The following LRMDA variants were observed in gnomAD, a reference collection of about 807,000 sequenced individuals.
LRMDA encodes the protein leucine-rich melanocyte differentiation-associated protein.
In LRMDA, 18 loss-of-function variants were observed where a neutral mutation model predicts 29.8. The observed-to-expected ratio is 0.60, with a 90% CI of 0.42 to 0.90. The LOEUF (loss-of-function observed/expected upper bound fraction) is 0.90, where lower values mean the gene tolerates loss of function less well. Ranked by LOEUF, LRMDA falls within the 40% of genes least tolerant of loss-of-function variation. LRMDA has a pLI of 0.00. For missense variants in LRMDA, 273 were observed against 273.9 expected (o/e 1.00, Z 0.02); for synonymous variants, 125 against 109.4 (o/e 1.14, Z -0.89).
chr10:76,280,271 A>G (rs1420542565), intron 5 of LRMDA, among the ~76,000 whole-genome samples: 1 of 152,166 alleles, frequency 6.6e-6, no homozygotes, highest in African/African-American at 2.4e-5. Flanking sequence ...GATGGAAAGA[A>G]TGAAGGGCAG....
intron 5 of LRMDA, among the ~76,000 whole-genome samples, chr10:76,165,736 A>G (rs186301118): frequency 1.4e-4 from 21 of 152,280 alleles, no homozygotes; most frequent in Admixed American, 2.6e-4. Context: ...ACCACCAGAT[A>G]TCGTGAGAAC....
At chr10:76,113,652 T>C (rs1564656244) in intron 5 of LRMDA, among the ~76,000 whole-genome samples, 1 of 152,184 alleles carries the variant, frequency 6.6e-6, no homozygotes, top group Non-Finnish European at 1.5e-5. Flanking sequence ...GAAATTGAGA[T>C]GTGTCTCCAG....
chr10:76,134,997 C>T (rs1038511716), intron 5 of LRMDA, among the ~76,000 whole-genome samples: 9 of 152,140 alleles, frequency 5.9e-5, no homozygotes, highest in Admixed American at 5.9e-4. Flanking sequence ...AATTTAAAAA[C>T]AGTATTTTGA....
intron 5 of LRMDA, among the ~76,000 whole-genome samples, chr10:76,279,091 G>A (rs1840170718): frequency 1.3e-5 from 2 of 152,116 alleles, no homozygotes; most frequent in South Asian, 4.1e-4. Flanking sequence ...TATGATGGAG[G>A]ACATGAGCAA....
At chr10:76,169,117 C>A (rs149662258) in intron 5 of LRMDA, among the ~76,000 whole-genome samples, 1,542 of 152,240 alleles carry the variant, frequency 0.01, 14 homozygotes, top group Middle Eastern at 0.017. Flanking sequence ...CAGCCTGCCC[C>A]ATAGTAATTC....
intron 2 of LRMDA, among the ~76,000 whole-genome samples, chr10:75,882,465 C>T (rs1223170158): frequency 6.6e-6 from 1 of 152,062 alleles, no homozygotes; most frequent in East Asian, 1.9e-4. Context: ...CTATAGAGCA[C>T]CTAAAATTTT....
intron 2 of LRMDA, among the ~76,000 whole-genome samples, chr10:75,619,645 G>A (rs892612454): frequency 1.2e-4 from 18 of 152,162 alleles, no homozygotes; most frequent in Non-Finnish European, 1.9e-4. Flanking sequence ...CTTCAGCATC[G>A]CAGTCTCTCT....
chr10:76,276,068 T>C (rs1840130577), intron 5 of LRMDA, among the ~76,000 whole-genome samples: 1 of 149,232 alleles, frequency 6.7e-6, no homozygotes, highest in African/African-American at 2.5e-5. Context: ...TCTTTCTCTC[T>C]TTCTTTCTCT....
At chr10:75,917,672 G>A (rs1444474453) in intron 2 of LRMDA, among the ~76,000 whole-genome samples, 1 of 152,196 alleles carries the variant, frequency 6.6e-6, no homozygotes, top group Non-Finnish European at 1.5e-5. Flanking sequence ...ACTGGCCCCA[G>A]AATGGTGCAA....
intron 5 of LRMDA, among the ~76,000 whole-genome samples, chr10:76,300,413 G>A (rs1285227921): frequency 6.6e-6 from 1 of 152,176 alleles, no homozygotes; most frequent in African/African-American, 2.4e-5. Context: ...ATTGATCATG[G>A]TAGGAAAGCA....
At position 75,873,725 on chromosome 10, in the gene LRMDA, C is replaced by T. The variant is rs180856881; in HGVS notation, c.132-162283C>T. Among the ~76,000 whole-genome samples the T allele has an allele frequency of 4.7e-5, 7 of 149,352 alleles. No individual in the cohort carries two copies. In the East Asian group the frequency reaches 1.2e-3, roughly 26 times the overall value. On this transcript the variant is annotated intron_variant, in intron 2 of 6. Transcript: ENST00000611255. ...TATTATTTAGTGTGTTGATCATACT[C>T]GTATATTTCCAAATGGCTTTATGAT...
intron 2 of LRMDA, among the ~76,000 whole-genome samples, chr10:75,789,263 C>T (rs1214423282): frequency 6.6e-6 from 1 of 152,188 alleles, no homozygotes; most frequent in Non-Finnish European, 1.5e-5. Flanking sequence ...GAGATTGTGA[C>T]TACATAGCAC....
intron 6 of LRMDA, among the ~76,000 whole-genome samples, chr10:76,433,002 A>G (rs1264122563): frequency 6.6e-6 from 1 of 152,144 alleles, no homozygotes; most frequent in East Asian, 1.9e-4. Flanking sequence ...CTGCTGGCGG[A>G]TGAATTGGGA....
At chr10:75,726,583 G>T (rs753046070) in intron 2 of LRMDA, among the ~76,000 whole-genome samples, 1 of 152,188 alleles carries the variant, frequency 6.6e-6, no homozygotes, top group Non-Finnish European at 1.5e-5. Flanking sequence ...CATGGCCATG[G>T]CCCCTACTGG....
chr10:75,706,193 T>A (rs1243229299), intron 2 of LRMDA, among the ~76,000 whole-genome samples: 1 of 152,204 alleles, frequency 6.6e-6, no homozygotes, highest in African/African-American at 2.4e-5. Flanking sequence ...TTAAAAATAA[T>A]TTTAAACATA....
intron 5 of LRMDA, among the ~76,000 whole-genome samples, chr10:76,224,395 A>C (rs1851910827): frequency 6.6e-6 from 1 of 151,934 alleles, no homozygotes. Context: ...GAAATGGAGA[A>C]ATCCCATCTC....
At chr10:75,647,232 A>G (rs1841533770) in intron 2 of LRMDA, among the ~76,000 whole-genome samples, 2 of 152,126 alleles carry the variant, frequency 1.3e-5, no homozygotes, top group Admixed American at 1.3e-4. Flanking sequence ...TTGAGCTGGA[A>G]CTCTTGCAAC....
At chr10:76,169,549 G>A (rs1018310780) in intron 5 of LRMDA, among the ~76,000 whole-genome samples, 1 of 152,076 alleles carries the variant, frequency 6.6e-6, no homozygotes, top group Non-Finnish European at 1.5e-5. Context: ...GTCTGAGGAA[G>A]ACAGATTTGA....
intron 2 of LRMDA, among the ~76,000 whole-genome samples, chr10:75,795,220 C>G (rs903499796): frequency 3.3e-5 from 5 of 151,900 alleles, no homozygotes; most frequent in African/African-American, 1.2e-4. Flanking sequence ...ATGGTGAAAC[C>G]CTGTCTCTAC....
Sources: allele counts gnomAD v4.1 joint callset (sites outside exome capture counted in the v4.1 genomes callset), GRCh38; gene constraint gnomAD v4.1.1; transcripts MANE v1.5; gene names NCBI Gene and HGNC (gene_info 2026-07-23, HGNC 2026-07-21).